The following FBXO17 variants were observed in gnomAD, a reference collection of about 807,000 sequenced individuals.
The protein encoded by FBXO17 is F-box protein 17, also known as F-box only protein 17.
Under a neutral mutation model 34.1 loss-of-function variants are expected in FBXO17, and 43 were observed. The ratio of observed to expected loss-of-function variants is 1.26; its 90% CI spans 0.99 to 1.62. FBXO17 has a LOEUF of 1.62. FBXO17 is among the 40% of genes most tolerant of loss of function. The pLI, the probability that FBXO17 is intolerant of heterozygous loss-of-function variation, is 0.00. For missense variants in FBXO17, 424 were observed against 386.7 expected (o/e 1.10, Z -0.81); for synonymous variants, 169 against 166.0 (o/e 1.02, Z -0.14).
chr19:38,946,925 T>C (rs1360281652), intron 3 of FBXO17: 4 of 239,220 alleles, frequency 1.7e-5, no homozygotes, highest in Non-Finnish European at 3.3e-5. Context: ...TGGACAGCCT[T>C]GTCTCTGTCA....
chr19:38,957,591 G>A (rs992734679), intron 1 of FBXO17, among the ~76,000 whole-genome samples: 6 of 152,086 alleles, frequency 3.9e-5, no homozygotes, highest in Admixed American at 6.6e-5. Context: ...TGATCCGCCC[G>A]CCTAGGCCTC....
At position 38,963,932 on chromosome 19, in the gene FBXO17, C is replaced by T. The variant is rs142092759; in HGVS notation, c.-18+11654G>A. Among the ~76,000 whole-genome samples, 49 of 151,644 alleles carry T rather than the reference C, an allele frequency of 3.2e-4. 1 individual carries two copies. The highest frequency in any genetic ancestry group is 9.9e-4 in the African/African-American group (41 of 41,354). On this transcript the variant is annotated intron_variant, in intron 1 of 5. Transcript: ENST00000292852. ...CCAAGTAGCTGGGATTACAGGTGTG[C>T]GCCACCACACCTAGTTAATTTTTGT...
chr19:38,948,751 C>T, intron 2 of FBXO17, 73 bp from the exon 3 acceptor site: 1 of 1,308,208 alleles, frequency 7.6e-7, no homozygotes, highest in East Asian at 2.3e-5. Flanking sequence ...AACCAGCCAG[C>T]TTGTGCTGTC....
At chr19:38,969,241 G>A (rs1198765699) in intron 1 of FBXO17, among the ~76,000 whole-genome samples, 1 of 151,792 alleles carries the variant, frequency 6.6e-6, no homozygotes, top group Non-Finnish European at 1.5e-5. Context: ...TTGAGCCCAC[G>A]AGTTCAAGAC....
intron 1 of FBXO17, among the ~76,000 whole-genome samples, chr19:38,972,697 T>C (rs952772529): frequency 6.6e-6 from 1 of 152,234 alleles, no homozygotes; most frequent in Admixed American, 6.5e-5. Context: ...TTTCATTCTA[T>C]AGACAAGTTG....
At chr19:38,954,986 A>G (rs1214825657) in intron 1 of FBXO17, among the ~76,000 whole-genome samples, 2 of 150,004 alleles carry the variant, frequency 1.3e-5, no homozygotes, top group Non-Finnish European at 3.0e-5. Flanking sequence ...CCTGGAATGC[A>G]GTGGTGCGAT....
chr19:38,967,317 G>A (rs1219968230), intron 1 of FBXO17, among the ~76,000 whole-genome samples: 1 of 152,076 alleles, frequency 6.6e-6, no homozygotes, highest in Non-Finnish European at 1.5e-5. Context: ...AAATTAGCCT[G>A]TAATCCTAGC....
chr19:38,946,809 C>T (rs950156769), intron 3 of FBXO17: 1 of 551,384 alleles, frequency 1.8e-6, no homozygotes, highest in South Asian at 2.1e-5. Flanking sequence ...AAGCCTGACC[C>T]TCATCTTTGT....
intron 1 of FBXO17, among the ~76,000 whole-genome samples, chr19:38,974,805 G>A (rs947185759): frequency 4.6e-5 from 7 of 152,154 alleles, no homozygotes; most frequent in Non-Finnish European, 8.8e-5. Flanking sequence ...GTATTTGGCC[G>A]ACAGGGGTTG....
chr19:38,951,501 T>A (rs1281522638), intron 1 of FBXO17, among the ~76,000 whole-genome samples: 10 of 146,384 alleles, frequency 6.8e-5, no homozygotes, highest in Non-Finnish European at 1.2e-4. Context: ...ACAATGCCCT[T>A]CTCTTCCCTC....
In FBXO17 at chr19:38,952,836, C is replaced by T. The variant is rs116430297; in HGVS notation, c.-17-2500G>A. The T allele has an allele frequency of 5.0e-3, 2,281 of 457,084 alleles. 46 individuals are homozygous for T. Among genetic ancestry groups the T allele is most frequent in the African/African-American group, 0.042 (2,107 of 50,150 alleles). The allele number at this position is 457,084 out of a possible 1,614,324, so 28.3% of individuals were successfully genotyped here. On this transcript the variant is annotated intron_variant, in intron 1 of 5. Transcript: ENST00000292852. ...CTTCAGAACCTCAATCTCACACTCA[C>T]TCTCCACCCATCACTTTTTCTTTCC...
At chr19:38,957,633 T>C (rs1975186341) in intron 1 of FBXO17, among the ~76,000 whole-genome samples, 1 of 152,152 alleles carries the variant, frequency 6.6e-6, no homozygotes, top group African/African-American at 2.4e-5. Flanking sequence ...CTTGAGCCAC[T>C]GCGCCCGGCA....
chr19:38,970,005 G>T (rs1033021508), intron 1 of FBXO17, among the ~76,000 whole-genome samples: 2 of 152,036 alleles, frequency 1.3e-5, no homozygotes, highest in African/African-American at 4.8e-5. Flanking sequence ...TGGTGGTGGT[G>T]TTCCTAACAG....
At chr19:38,950,895 G>A (rs1483897218) in intron 1 of FBXO17, among the ~76,000 whole-genome samples, 3 of 152,050 alleles carry the variant, frequency 2.0e-5, no homozygotes, top group Non-Finnish European at 4.4e-5. Flanking sequence ...GGGTTCAAGC[G>A]ATTCTCCTGC....
intron 1 of FBXO17, among the ~76,000 whole-genome samples, chr19:38,964,784 A>G: frequency 6.6e-6 from 1 of 151,450 alleles, no homozygotes; most frequent in East Asian, 1.9e-4. Flanking sequence ...AAAAGAAAAG[A>G]AAAAAAAATT....
rs770653327 is a variant in FBXO17 at position 38,944,982 on chromosome 19, C to T, written c.680G>A (p.Arg227Lys). 5 of 1,614,222 alleles carry T rather than the reference C, an allele frequency of 3.1e-6. No individual in the cohort carries two copies. The East Asian group carries it at 1.1e-4, about 36-fold the overall frequency. The stretch of plus-strand genomic sequence containing the variant: ...GTCTGGACCCACCTGTCGGCAGCCC[C>T]TCTCAGTCCACTGAAGGACCGGGTC... ...SPDPVLQWTE[R>K]GCRQVSHVFT... Residue 227 changes from arginine to lysine, a missense_variant, in exon 5 of 6, where the codon AGG becomes AAG. Coordinates refer to ENST00000292852, the MANE Select transcript of FBXO17 (RefSeq NM_024907.7).
chr19:38,953,962 G>A (rs1240163791), intron 1 of FBXO17, among the ~76,000 whole-genome samples: 1 of 151,952 alleles, frequency 6.6e-6, no homozygotes, highest in Non-Finnish European at 1.5e-5. Context: ...CCAAGGGAGA[G>A]TGAAAGGGGG....
At chr19:38,946,443 T>C in intron 4 of FBXO17, 29 bp downstream of exon 4, 1 of 1,613,578 alleles carries the variant, frequency 6.2e-7, no homozygotes, top group East Asian at 2.2e-5. Context: ...CTGCTGCTGC[T>C]CTGGGGCAGG....
intron 5 of FBXO17, chr19:38,944,708 C>A (rs1974946549): frequency 4.1e-6 from 2 of 485,446 alleles, no homozygotes; most frequent in African/African-American, 2.0e-5. Context: ...TTCACTGCTG[C>A]ATTTCCAGCA....
Sources: allele counts gnomAD v4.1 joint callset (sites outside exome capture counted in the v4.1 genomes callset), GRCh38; gene constraint gnomAD v4.1.1; transcripts MANE v1.5; gene names NCBI Gene and HGNC (gene_info 2026-07-23, HGNC 2026-07-21).